The following ATXN8OS variants were observed in gnomAD, a reference collection of about 807,000 sequenced individuals.
ATXN8OS encodes the protein ATXN8 opposite strand (non-protein coding).
chr13:70,115,537 G>T (rs1888266487), intron 2 of ATXN8OS, among the ~76,000 whole-genome samples: 1 of 152,090 alleles, frequency 6.6e-6, no homozygotes, highest in Middle Eastern at 3.4e-3. Context: ...AAAAGTAATG[G>T]TTTTTTTGGG....
intron 4 of ATXN8OS, among the ~76,000 whole-genome samples, chr13:70,152,143 C>T (rs1888875790): frequency 6.6e-6 from 1 of 151,952 alleles, no homozygotes; most frequent in South Asian, 2.1e-4. Flanking sequence ...GTTTCTTTTC[C>T]CTAAGTGCTT....
intron 2 of ATXN8OS, among the ~76,000 whole-genome samples, chr13:70,122,783 AG>A (rs1458679479): frequency 2.0e-5 from 3 of 152,026 alleles, no homozygotes; most frequent in Admixed American, 2.0e-4. Context: ...AGAGATACAA[AG>A]ATAGGCATTT....
rs1253634456 is a variant in ATXN8OS, at chr13:70,140,543, A to AAAC, written n.500-6810_500-6809insCAA. On this transcript the variant is annotated intron_variant and non_coding_transcript_variant, in intron 3 of 4. Coordinates refer to ENST00000678624, the Ensembl canonical transcript of ATXN8OS. ...TAACACACACACACACAAAAAAAAA[A>AAAC]AAACGGAGAAGAAATGTTAAAGTCA... is the stretch of plus-strand genomic sequence containing the variant. Among the ~76,000 whole-genome samples the AAAC allele has an allele frequency of 2.2e-4, 33 of 151,784 alleles. No individual in the cohort carries two copies. The South Asian group carries it at 6.9e-3, about 32-fold the overall frequency.
At chr13:70,130,950 C>G (rs567701973) in intron 3 of ATXN8OS, 2 of 398,206 alleles carry the variant, frequency 5.0e-6, no homozygotes, top group African/African-American at 2.1e-5. Flanking sequence ...AGGAAGATGA[C>G]GTATTTTAAT....
At chr13:70,119,331 T>C (rs530601381) in intron 2 of ATXN8OS, among the ~76,000 whole-genome samples, 1 of 152,236 alleles carries the variant, frequency 6.6e-6, no homozygotes, top group African/African-American at 2.4e-5. Flanking sequence ...AGAGAGAATT[T>C]TACAGGCTAT....
intron 4 of ATXN8OS, among the ~76,000 whole-genome samples, chr13:70,149,200 A>T: frequency 6.6e-6 from 1 of 152,238 alleles, no homozygotes; most frequent in East Asian, 1.9e-4. Context: ...TTGAAGAACG[A>T]GAACGACTCA....
At chr13:70,170,393 T>G (rs1556058) in exon 5 of ATXN8OS, among the ~76,000 whole-genome samples, 1 of 152,024 alleles carries the variant, frequency 6.6e-6, no homozygotes, top group South Asian at 2.1e-4. Context: ...AGTGTTTATA[T>G]GCAATACATT....
At chr13:70,132,888 G>T (rs1322903962) in intron 3 of ATXN8OS, among the ~76,000 whole-genome samples, 1 of 151,590 alleles carries the variant, frequency 6.6e-6, no homozygotes, top group Non-Finnish European at 1.5e-5. Context: ...AAAGTCCAAT[G>T]TAGAGGTGTC....
chr13:70,139,749 G>A (rs1888681968), intron 3 of ATXN8OS, among the ~76,000 whole-genome samples: 1 of 152,004 alleles, frequency 6.6e-6, no homozygotes, highest in African/African-American at 2.4e-5. Flanking sequence ...CCCAATAGAA[G>A]GTGCATAACA....
At chr13:70,142,885 C>G (rs1888736430) in intron 3 of ATXN8OS, among the ~76,000 whole-genome samples, 3 of 152,100 alleles carry the variant, frequency 2.0e-5, no homozygotes, top group Admixed American at 2.0e-4. Context: ...ACCAACCTGA[C>G]CAACATGGAG....
chr13:70,144,642 C>T lies in ATXN8OS; in HGVS notation n.500-2713C>T, dbSNP rs190896249. The stretch of plus-strand genomic sequence containing the variant: ...CCAAATGTTTTCTACTAGTCTGTGC[C>T]TTGTCTTTTTATTCTCTGGCAATGT... On this transcript the variant is annotated intron_variant and non_coding_transcript_variant, in intron 3 of 4. Coordinates refer to ENST00000678624, the Ensembl canonical transcript of ATXN8OS. Among the ~76,000 whole-genome samples, 728 of 152,022 alleles carry T rather than the reference C, an allele frequency of 4.8e-3. 4 individuals are homozygous for T. The highest frequency in any genetic ancestry group is 0.017 in the African/African-American group (695 of 41,496).
intron 3 of ATXN8OS, among the ~76,000 whole-genome samples, chr13:70,140,619 TC>T (rs1267149283): frequency 6.6e-6 from 1 of 151,868 alleles, no homozygotes; most frequent in African/African-American, 2.4e-5. Flanking sequence ...TCATAGAATG[TC>T]TTCACCCAAT....
intron 3 of ATXN8OS, among the ~76,000 whole-genome samples, chr13:70,146,029 T>C (rs1197259475): frequency 2.4e-5 from 3 of 125,006 alleles, no homozygotes; most frequent in African/African-American, 6.1e-5. Flanking sequence ...AAAGGGCTAA[T>C]ATCCAGAATC....
At chr13:70,108,236 C>T (rs1888126678) in intron 1 of ATXN8OS, 2 of 390,284 alleles carry the variant, frequency 5.1e-6, no homozygotes, top group Admixed American at 8.9e-5. Context: ...GTACCCCTCG[C>T]CAGATCTCTT....
chr13:70,119,341 TAG>T (rs905810077), intron 2 of ATXN8OS, among the ~76,000 whole-genome samples: 2 of 152,106 alleles, frequency 1.3e-5, no homozygotes, highest in Admixed American at 6.6e-5. Context: ...TTACAGGCTA[TAG>T]AGAGTTATAA....
At chr13:70,131,780 T>C (rs1278143390) in intron 3 of ATXN8OS, among the ~76,000 whole-genome samples, 1 of 152,194 alleles carries the variant, frequency 6.6e-6, no homozygotes, top group Non-Finnish European at 1.5e-5. Context: ...TTTTATTTAA[T>C]TTCCTCTCAC....
At chr13:70,139,212 A>G (rs1371569615) in intron 3 of ATXN8OS, 1 of 446,558 alleles carries the variant, frequency 2.2e-6, no homozygotes, top group Non-Finnish European at 4.0e-6. Context: ...GATATTCTCT[A>G]CTATTTCCTC....
chr13:70,121,200 A>G (rs541388297), intron 2 of ATXN8OS, among the ~76,000 whole-genome samples: 1 of 152,234 alleles, frequency 6.6e-6, no homozygotes, highest in South Asian at 2.1e-4. Context: ...TGAAAAATAC[A>G]AGGAAATGAT....
intron 3 of ATXN8OS, among the ~76,000 whole-genome samples, chr13:70,132,949 C>G (rs1194173585): frequency 6.6e-6 from 1 of 152,090 alleles, no homozygotes; most frequent in Non-Finnish European, 1.5e-5. Context: ...ATTGCATTGT[C>G]ATGGAAGCCA....
Sources: allele counts gnomAD v4.1 joint callset (sites outside exome capture counted in the v4.1 genomes callset), GRCh38; gene constraint gnomAD v4.1.1; transcripts MANE v1.5; gene names NCBI Gene and HGNC (gene_info 2026-07-23, HGNC 2026-07-21).